SGCD: variants seen among roughly 807,000 people sequenced by gnomAD.
The protein encoded by SGCD is sarcoglycan delta.
A neutral mutation model predicts 36.6 loss-of-function variants in SGCD; 18 were observed. That is an observed-to-expected ratio of 0.49 (90% CI 0.34 to 0.73). The LOEUF (loss-of-function observed/expected upper bound fraction) is 0.73, where lower values mean the gene tolerates loss of function less well. Ranked by LOEUF, SGCD falls within the 30% of genes least tolerant of loss-of-function variation. The probability of loss-of-function intolerance (pLI) is 0.01; values close to 1 mark genes in which losing one functional copy is unlikely to be tolerated. For missense variants in SGCD, 387 were observed against 346.7 expected (o/e 1.12, Z -0.92); for synonymous variants, 133 against 130.6 (o/e 1.02, Z -0.12).
chr5:156,227,782 T>C (rs1346348715), intron 3 of SGCD, among the ~76,000 whole-genome samples: 1 of 152,136 alleles, frequency 6.6e-6, no homozygotes, highest in African/African-American at 2.4e-5. Flanking sequence ...CATTTAGGGC[T>C]ATGAACTTTC....
At chr5:156,385,859 T>A (rs1457923935) in intron 3 of SGCD, among the ~76,000 whole-genome samples, 1 of 152,246 alleles carries the variant, frequency 6.6e-6, no homozygotes, top group African/African-American at 2.4e-5. Flanking sequence ...GATATTTACA[T>A]GTATTATCTC....
At chr5:156,654,274 G>A (rs1213251055) in intron 7 of SGCD, among the ~76,000 whole-genome samples, 1 of 152,082 alleles carries the variant, frequency 6.6e-6, no homozygotes, top group African/African-American at 2.4e-5. Flanking sequence ...AAAATAAATG[G>A]ACCTGGGGAA....
intron 3 of SGCD, among the ~76,000 whole-genome samples, chr5:156,365,552 G>A (rs537616557): frequency 6.6e-6 from 1 of 152,284 alleles, no homozygotes; most frequent in South Asian, 2.1e-4. Context: ...CTGCATGGAT[G>A]TTGTTTTTGA....
chr5:156,269,197 C>A (rs975322812), intron 3 of SGCD, among the ~76,000 whole-genome samples: 1 of 151,884 alleles, frequency 6.6e-6, no homozygotes, highest in East Asian at 1.9e-4. Context: ...ACTGGGCGCA[C>A]GGTGGCTCAC....
At chr5:155,798,856 C>G in the SGCD span, among the ~76,000 whole-genome samples, 3 of 152,172 alleles carry the variant, frequency 2.0e-5, no homozygotes, top group Admixed American at 6.5e-5. Context: ...GGCTTCTAAA[C>G]CATTACTATG....
intron 3 of SGCD, among the ~76,000 whole-genome samples, chr5:156,458,094 A>G (rs1308823144): frequency 6.6e-6 from 1 of 152,174 alleles, no homozygotes; most frequent in African/African-American, 2.4e-5. Flanking sequence ...GGCCATGGAA[A>G]GAGGAGCCCA....
intron 3 of SGCD, among the ~76,000 whole-genome samples, chr5:156,204,473 TACAC>T (rs58745098): frequency 0.25 from 36,183 of 147,376 alleles, 5,034 homozygotes; most frequent in Non-Finnish European, 0.32. Flanking sequence ...AACACACTCA[TACAC>T]ACACACACAC....
chr5:156,259,798 A>G (rs1765808891), intron 3 of SGCD, among the ~76,000 whole-genome samples: 1 of 152,072 alleles, frequency 6.6e-6, no homozygotes, highest in Non-Finnish European at 1.5e-5. Context: ...TCATGGCTTT[A>G]TAAGAAGAGG....
At chr5:156,406,377 T>C (rs1196904777) in intron 3 of SGCD, among the ~76,000 whole-genome samples, 1 of 152,140 alleles carries the variant, frequency 6.6e-6, no homozygotes, top group Non-Finnish European at 1.5e-5. Flanking sequence ...GCCATCCTTG[T>C]GCACTCTGTG....
intron 1 of SGCD, among the ~76,000 whole-genome samples, chr5:156,001,496 T>C (rs1312491437): frequency 1.3e-5 from 2 of 152,242 alleles, no homozygotes; most frequent in Non-Finnish European, 2.9e-5. Context: ...ATAACAACTT[T>C]GGGTCTGAAT....
intron 3 of SGCD, among the ~76,000 whole-genome samples, chr5:156,385,365 A>G (rs1771219466): frequency 6.6e-6 from 1 of 152,236 alleles, no homozygotes; most frequent in Non-Finnish European, 1.5e-5. Flanking sequence ...GGTTCCCTGC[A>G]CATATTTTTT....
At chr5:156,358,292 G>A (rs184185515) in intron 3 of SGCD, among the ~76,000 whole-genome samples, 209 of 152,244 alleles carry the variant, frequency 1.4e-3, no homozygotes, top group African/African-American at 4.9e-3. Flanking sequence ...GCAATTTCAG[G>A]TAGTCTGAAT....
intron 1 of SGCD, among the ~76,000 whole-genome samples, chr5:155,928,970 A>G (rs555832210): frequency 4.6e-5 from 7 of 152,214 alleles, no homozygotes; most frequent in African/African-American, 1.7e-4. Context: ...TTACTTTTTA[A>G]TCTTTATTTA....
chr5:155,777,282 G>A, the SGCD span, among the ~76,000 whole-genome samples: 20 of 151,750 alleles, frequency 1.3e-4, no homozygotes, highest in African/African-American at 4.8e-4. Flanking sequence ...ATTGTTGCTA[G>A]AAGTTCTTTT....
chr5:156,500,838 T>C (rs192731525), intron 3 of SGCD, among the ~76,000 whole-genome samples: 60 of 152,266 alleles, frequency 3.9e-4, no homozygotes, highest in African/African-American at 1.4e-3. Context: ...AAATAGCACT[T>C]TCTTAAAATC....
At position 156,606,334 on chromosome 5, in the gene SGCD, A is replaced by T. The variant is rs183182899; in HGVS notation, c.502+11283A>T. Among the ~76,000 whole-genome samples the T allele has an allele frequency of 6.3e-4, 96 of 152,154 alleles. 1 individual carries two copies. In the East Asian group the frequency reaches 0.017, roughly 26 times the overall value. ...TCCCCATTTCTTCTTTTTGTCAGGT[A>T]TGTCAAAGATCAGATAGTTGTAGAT... On this transcript the variant is annotated intron_variant, in intron 6 of 8. Coordinates refer to ENST00000337851, the MANE Select transcript of SGCD (RefSeq NM_000337.6).
At chr5:156,580,501 CTT>C (rs1760207985) in intron 4 of SGCD, among the ~76,000 whole-genome samples, 1 of 152,124 alleles carries the variant, frequency 6.6e-6, no homozygotes, top group Non-Finnish European at 1.5e-5. Context: ...TGTTTTCCAA[CTT>C]GGTTCCATTC....
chr5:156,543,035 C>T (rs1477261500), intron 4 of SGCD, among the ~76,000 whole-genome samples: 4 of 152,108 alleles, frequency 2.6e-5, no homozygotes, highest in African/African-American at 9.7e-5. Context: ...GGTCTAGAAA[C>T]CAAAGAAGAT....
In SGCD at chr5:156,171,895, G is replaced by A. The variant is rs192245094; in HGVS notation, c.-44+47876G>A. 2.8e-3 allele frequency among the ~76,000 whole-genome samples: 419 copies of A among 152,208 alleles called. 2 individuals are homozygous for A. Among genetic ancestry groups the A allele is most frequent in the Non-Finnish European group, 4.3e-3 (290 of 68,014 alleles). ...GAATTTCTAGAAGTTATGAAACCCCGGCCATTAGCAGTCAGTAACCCTAGG... is the reference window on the plus strand; with the variant it reads ...GAATTTCTAGAAGTTATGAAACCCCAGCCATTAGCAGTCAGTAACCCTAGG... On this transcript the variant is annotated intron_variant, in intron 3 of 9. Transcript: ENST00000517913.
Sources: gnomAD v4.1 joint callset for allele counts (sites outside exome capture counted in the v4.1 genomes callset) on GRCh38, gnomAD v4.1.1 for gene constraint, MANE v1.5 for transcripts, NCBI Gene and HGNC (gene_info 2026-07-23, HGNC 2026-07-21) for gene names.